Variants in CHCHD3 observed in about 807,000 individuals in gnomAD.
The protein encoded by CHCHD3 is MICOS complex subunit MIC19.
A neutral mutation model predicts 38.2 loss-of-function variants in CHCHD3; 20 were observed. The observed-to-expected ratio is 0.52, with a 90% confidence interval of 0.37 to 0.76. The LOEUF is 0.76. CHCHD3 is among the 30% of genes least tolerant of loss of function. CHCHD3 has a pLI of 0.00. For synonymous variants in CHCHD3, 82 were observed against 100.0 expected (o/e 0.82, Z 1.07); for missense variants, 245 against 279.2 (o/e 0.88, Z 0.87).
intron 4 of CHCHD3, among the ~76,000 whole-genome samples, chr7:132,950,712 T>A (rs1161831813): frequency 6.6e-6 from 1 of 152,188 alleles, no homozygotes; most frequent in Non-Finnish European, 1.5e-5. Context: ...AAAAAGTAAT[T>A]CCCAGATAGC....
chr7:132,902,481 C>A (rs370313973), intron 4 of CHCHD3, among the ~76,000 whole-genome samples: 1 of 152,114 alleles, frequency 6.6e-6, no homozygotes, highest in African/African-American at 2.4e-5. Context: ...TGGAATACTA[C>A]GCAGCCATAA....
chr7:132,886,381 C>T (rs1050997482), intron 4 of CHCHD3, among the ~76,000 whole-genome samples: 4 of 151,580 alleles, frequency 2.6e-5, no homozygotes, highest in South Asian at 2.1e-4. Flanking sequence ...AAAATCAAAA[C>T]AAGTATAATA....
At chr7:133,064,735 A>C (rs1814620779) in intron 2 of CHCHD3, among the ~76,000 whole-genome samples, 1 of 152,228 alleles carries the variant, frequency 6.6e-6, no homozygotes, top group African/African-American at 2.4e-5. Flanking sequence ...TATTTTTCAC[A>C]ATGACGAGAA....
chr7:132,876,287 T>C (rs1053154082), intron 5 of CHCHD3, among the ~76,000 whole-genome samples: 3 of 152,182 alleles, frequency 2.0e-5, no homozygotes, highest in African/African-American at 7.2e-5. Flanking sequence ...AACATAATGA[T>C]TTCCTGGCTG....
intron 4 of CHCHD3, among the ~76,000 whole-genome samples, chr7:132,908,366 C>T (rs1809849502): frequency 6.6e-6 from 1 of 152,066 alleles, no homozygotes; most frequent in African/African-American, 2.4e-5. Flanking sequence ...TATAAAGTCC[C>T]AAACCTTAGA....
chr7:133,014,291 G>A (rs1252789454), intron 3 of CHCHD3, among the ~76,000 whole-genome samples: 2 of 145,168 alleles, frequency 1.4e-5, no homozygotes, highest in African/African-American at 5.1e-5. Flanking sequence ...CTTTATACCT[G>A]ACACCTAAAT....
At chr7:132,968,175 G>A (rs1237330640) in intron 4 of CHCHD3, among the ~76,000 whole-genome samples, 3 of 152,128 alleles carry the variant, frequency 2.0e-5, no homozygotes, top group South Asian at 2.1e-4. Context: ...GAGGCCACAC[G>A]TGATAACAAA....
chr7:133,079,402 C>A (rs1294405206), intron 1 of CHCHD3, among the ~76,000 whole-genome samples: 3 of 152,292 alleles, frequency 2.0e-5, no homozygotes, highest in Admixed American at 2.0e-4. Flanking sequence ...AGATAGAATC[C>A]AACCCAGGTC....
intron 2 of CHCHD3, among the ~76,000 whole-genome samples, chr7:133,068,400 G>A (rs1814732095): frequency 6.6e-6 from 1 of 152,186 alleles, no homozygotes; most frequent in Non-Finnish European, 1.5e-5. Flanking sequence ...AATAAGTAGA[G>A]GAAAGGTGAT....
intron 2 of CHCHD3, among the ~76,000 whole-genome samples, chr7:133,039,222 C>G (rs1264828249): frequency 1.3e-5 from 2 of 152,068 alleles, no homozygotes; most frequent in Non-Finnish European, 2.9e-5. Context: ...ATCTCAATAA[C>G]AAATATCAAA....
chr7:132,908,369 A>G (rs1287429719), intron 4 of CHCHD3, among the ~76,000 whole-genome samples: 1 of 152,112 alleles, frequency 6.6e-6, no homozygotes, highest in East Asian at 1.9e-4. Flanking sequence ...AAAGTCCCAA[A>G]CCTTAGAAAA....
chr7:132,935,555 A>C (rs535731980), intron 4 of CHCHD3, among the ~76,000 whole-genome samples: 4 of 152,310 alleles, frequency 2.6e-5, no homozygotes, highest in African/African-American at 9.6e-5. Context: ...CTATACCAAG[A>C]AGGGTCATAT....
chr7:132,841,801 T>C (rs921119135), intron 5 of CHCHD3, among the ~76,000 whole-genome samples: 1 of 152,108 alleles, frequency 6.6e-6, no homozygotes, highest in African/African-American at 2.4e-5. Context: ...TTACATTGGC[T>C]TAAAATATTT....
At chr7:133,076,435 T>A (rs1814993075) in intron 1 of CHCHD3, among the ~76,000 whole-genome samples, 1 of 152,136 alleles carries the variant, frequency 6.6e-6, no homozygotes, top group Admixed American at 6.5e-5. Context: ...CATTCTAATA[T>A]AAGGGGCAAT....
At chr7:132,963,694 T>C (rs111705967) in intron 4 of CHCHD3, among the ~76,000 whole-genome samples, 1,669 of 148,900 alleles carry the variant, frequency 0.011, 24 homozygotes, top group Non-Finnish European at 0.014. Flanking sequence ...CAAACGATTA[T>C]ACACACACAC....
chr7:133,070,547 C>T (rs1814789764), intron 1 of CHCHD3, among the ~76,000 whole-genome samples: 2 of 152,178 alleles, frequency 1.3e-5, no homozygotes. Flanking sequence ...CAACTTTCCT[C>T]CCCTAATCCT....
intron 4 of CHCHD3, chr7:132,887,072 G>T: frequency 3.0e-6 from 2 of 659,006 alleles, no homozygotes; most frequent in South Asian, 1.4e-4. Context: ...CACAAAATCT[G>T]ATGGATAATA....
intron 3 of CHCHD3, among the ~76,000 whole-genome samples, chr7:133,018,703 G>A (rs62465325): frequency 0.012 from 1,792 of 151,968 alleles, 14 homozygotes; most frequent in Middle Eastern, 0.024. Flanking sequence ...GATAATTTAA[G>A]TTTTTATTTT....
chr7:133,050,340 TAAAAAAAA>T (rs35635002), intron 2 of CHCHD3, among the ~76,000 whole-genome samples: 24 of 31,844 alleles, frequency 7.5e-4, no homozygotes, highest in East Asian at 1.7e-3. Flanking sequence ...GGCTGTGTCT[TAAAAAAAA>T]AAAAAAAAAA....
Sources: gnomAD v4.1 joint callset for allele counts (sites outside exome capture counted in the v4.1 genomes callset) on GRCh38, gnomAD v4.1.1 for gene constraint, MANE v1.5 for transcripts, NCBI Gene and HGNC (gene_info 2026-07-23, HGNC 2026-07-21) for gene names.